The following PIAS2 variants were observed in gnomAD, a reference collection of about 807,000 sequenced individuals.
PIAS2 encodes the protein E3 SUMO-protein ligase PIAS2.
A neutral mutation model predicts 69.7 loss-of-function variants in PIAS2; 19 were observed. That is an observed-to-expected ratio of 0.27 (90% CI 0.19 to 0.40). The LOEUF is 0.40. Ranked by LOEUF, PIAS2 falls within the 10% of genes least tolerant of loss-of-function variation. The probability of loss-of-function intolerance (pLI) is 1.00; values close to 1 mark genes in which losing one functional copy is unlikely to be tolerated. For synonymous variants in PIAS2, 261 were observed against 263.2 expected (o/e 0.99, Z 0.08); for missense variants, 624 against 757.0 (o/e 0.82, Z 2.06).
At chr18:46,822,016 T>C (rs2042231603) in intron 11 of PIAS2, among the ~76,000 whole-genome samples, 1 of 152,156 alleles carries the variant, frequency 6.6e-6, no homozygotes, top group Non-Finnish European at 1.5e-5. Flanking sequence ...CTGAGCACTG[T>C]TACTGGTCTT....
At chr18:46,877,551 C>T (rs1229814384) in intron 2 of PIAS2, among the ~76,000 whole-genome samples, 1 of 152,158 alleles carries the variant, frequency 6.6e-6, no homozygotes, top group Non-Finnish European at 1.5e-5. Context: ...CTGCCTTTGC[C>T]GCGCCCTGAC....
At chr18:46,916,949 G>A (rs936893573) in intron 1 of PIAS2, 4 of 985,450 alleles carry the variant, frequency 4.1e-6, no homozygotes, top group East Asian at 1.1e-4. Context: ...CCACAGACAC[G>A]TACACCCCGG....
rs1261683481 is a variant in PIAS2 at position 46,809,938 on chromosome 18, AG to A, written c.*2494del. On this transcript the variant is annotated 3_prime_UTR_variant, in exon 14 of 14. Transcript: ENST00000585916. ...TAGCAAAATAAACTACTAGAAAGTC[AG>A]GGTCTGGATAAGAAACAGTGACCAC... The A allele has an allele frequency of 9.9e-5, 15 of 152,134 alleles. No homozygotes were observed. The highest frequency in any genetic ancestry group is 7.9e-4 in the Admixed American group (12 of 15,280). The allele number at this position is 152,134 out of a possible 1,614,324, so 9.4% of individuals were successfully genotyped here.
chr18:46,812,470 C>G lies in PIAS2; in HGVS notation c.1829G>C (p.Ser610Thr). The change falls in exon 14 of 14, where the codon AGT (serine) becomes ACT (threonine). Residue 610 changes from serine (S) to threonine (T), a missense_variant. Around this residue, in one of 3 missense-constraint regions of PIAS2, gnomAD observed 241 missense variants for 257.3 expected, o/e 0.94. Transcript: ENST00000585916. ...SRSETGVITS[S>T]GSNIPDIISL... The stretch of plus-strand genomic sequence containing the variant: ...GATGATGTCAGGAATGTTACTTCCA[C>G]TGCTGGTTATGACCCCTGTCTCACT... 6.2e-7 allele frequency: 1 copy of G among 1,612,776 alleles called. No homozygotes were observed. The highest frequency in any genetic ancestry group is 2.2e-5 in the East Asian group (1 of 44,874).
At chr18:46,879,250 T>C (rs2145832617) in intron 2 of PIAS2, among the ~76,000 whole-genome samples, 1 of 152,308 alleles carries the variant, frequency 6.6e-6, no homozygotes, top group African/African-American at 2.4e-5. Context: ...ACAAAGGACT[T>C]GGATAGACAT....
chr18:46,805,084 GTT>G lies in PIAS2; in HGVS notation c.*7347_*7348del, dbSNP rs2040625186. 6.6e-6 allele frequency: 1 copy of G among 152,226 alleles called. No homozygotes were observed. Among genetic ancestry groups the G allele is most frequent in the African/African-American group, 2.4e-5 (1 of 41,450 alleles). The allele number at this position is 152,226 out of a possible 1,614,324, so 9.4% of individuals were successfully genotyped here. A position where few individuals can be genotyped will look rare whatever the true frequency, so the allele number is the denominator to read the frequency against. ...ATCATGCTTTCGGACTGTCCCTTCT[GTT>G]TGAATTAAGCAGCAAAGTCATCTTC... On this transcript the variant is annotated 3_prime_UTR_variant, in exon 14 of 14. Transcript: ENST00000585916.
At chr18:46,865,906 T>C (rs1444455280) in intron 2 of PIAS2, among the ~76,000 whole-genome samples, 1 of 152,234 alleles carries the variant, frequency 6.6e-6, no homozygotes, top group Non-Finnish European at 1.5e-5. Flanking sequence ...TATTCACTCC[T>C]CAACCCTTTT....
At chr18:46,899,698 C>T (rs754537715) in intron 1 of PIAS2, among the ~76,000 whole-genome samples, 1 of 152,188 alleles carries the variant, frequency 6.6e-6, no homozygotes, top group Non-Finnish European at 1.5e-5. Flanking sequence ...AACTCCTGGG[C>T]TCAAGTGATG....
chr18:46,855,565 C>T lies in PIAS2; in HGVS notation c.635G>A (p.Arg212Lys). Residue 212 changes from arginine (R) to lysine (K), a missense_variant and splice_region_variant, in exon 4 of 14, where the codon AGA (arginine) becomes AAA (lysine). Around this residue, in one of 3 missense-constraint regions of PIAS2, gnomAD observed 339 missense variants for 408.8 expected, o/e 0.83. Coordinates refer to ENST00000585916, the MANE Select transcript of PIAS2 (RefSeq NM_004671.5). ...RRDYTVQVQL[R>K]LCLAETSCPQ... ...AGGTAACAGAAAATTTCAAACTCAC[C>T]TCAACTGAACTTGGACTGTATAATC... 1 of 1,613,156 alleles carries T rather than the reference C, an allele frequency of 6.2e-7. No individual in the cohort carries two copies. Among genetic ancestry groups the T allele is most frequent in the Admixed American group, 1.7e-5 (1 of 59,974 alleles).
At chr18:46,816,008 T>C (rs1419971941) in intron 12 of PIAS2, 31 of 984,476 alleles carry the variant, frequency 3.1e-5, no homozygotes, top group Non-Finnish European at 3.6e-5. Flanking sequence ...TAATATACTT[T>C]TGACATATTC....
At chr18:46,904,923 T>G (rs922713988) in intron 1 of PIAS2, among the ~76,000 whole-genome samples, 11 of 152,036 alleles carry the variant, frequency 7.2e-5, no homozygotes, top group Admixed American at 4.6e-4. Context: ...TAAAAATCGA[T>G]AGAACTACAA....
intron 12 of PIAS2, chr18:46,816,638 A>AT (rs955662215): frequency 8.9e-3 from 2,132 of 240,616 alleles, no homozygotes; most frequent in Non-Finnish European, 0.013. Flanking sequence ...TATTATTATT[A>AT]TTTTTTTTTT....
chr18:46,846,449 T>C (rs2046175526), intron 6 of PIAS2: 7 of 272,936 alleles, frequency 2.6e-5, no homozygotes, highest in Non-Finnish European at 4.7e-5. Flanking sequence ...ACAATTGTGG[T>C]TAAACCATTA....
chr18:46,864,912 T>C (rs116962257), intron 2 of PIAS2, among the ~76,000 whole-genome samples: 1,895 of 152,272 alleles, frequency 0.012, 15 homozygotes, highest in Non-Finnish European at 0.018. Flanking sequence ...TAAATGTTTT[T>C]TGTTTATTTT....
intron 10 of PIAS2, among the ~76,000 whole-genome samples, chr18:46,828,431 C>T (rs769849626): frequency 2.9e-4 from 44 of 152,188 alleles, no homozygotes; most frequent in Non-Finnish European, 5.4e-4. Context: ...GCTCCTACTG[C>T]TCATCCTGTC....
intron 1 of PIAS2, among the ~76,000 whole-genome samples, chr18:46,891,424 A>G (rs1349841851): frequency 6.6e-6 from 1 of 152,184 alleles, no homozygotes; most frequent in Non-Finnish European, 1.5e-5. Flanking sequence ...CCAATATACA[A>G]TGTAATGTTT....
intron 9 of PIAS2, among the ~76,000 whole-genome samples, chr18:46,830,136 C>T (rs1282698190): frequency 6.6e-6 from 1 of 152,096 alleles, no homozygotes; most frequent in Non-Finnish European, 1.5e-5. Flanking sequence ...GAAGTAGATA[C>T]CTGGAGCCTC....
At chr18:46,917,581 C>A, upstream of PIAS2, 1 of 1,060,788 alleles carries the variant, frequency 9.4e-7, no homozygotes, top group Non-Finnish European at 1.1e-6. Context: ...ACCCGCGCGA[C>A]CGCCTTCCGC....
chr18:46,837,061 T>C (rs1275720627), intron 8 of PIAS2, among the ~76,000 whole-genome samples: 1 of 152,184 alleles, frequency 6.6e-6, no homozygotes, highest in East Asian at 1.9e-4. Context: ...CCCAATCTTT[T>C]ATCACTACAA....
Sources: allele counts gnomAD v4.1 joint callset (sites outside exome capture counted in the v4.1 genomes callset), GRCh38; gene constraint gnomAD v4.1.1; regional missense constraint gnomAD v4.1.1; transcripts MANE v1.5; gene names NCBI Gene and HGNC (gene_info 2026-07-23, HGNC 2026-07-21).